RBFOX1: variants seen among roughly 807,000 people sequenced by gnomAD.
RBFOX1 encodes RNA binding protein fox-1 homolog 1.
Under a neutral mutation model 57.7 loss-of-function variants are expected in RBFOX1, and 8 were observed. The observed-to-expected ratio is 0.14, with a 90% CI of 0.08 to 0.25. The LOEUF is 0.25. Among genes scored for constraint, RBFOX1 ranks in the 10% least tolerant of loss-of-function variants. RBFOX1 has a pLI of 1.00. For missense variants in RBFOX1, 611 were observed against 548.5 expected (o/e 1.11, Z -1.14); for synonymous variants, 326 against 222.4 (o/e 1.47, Z -4.15).
At chr16:7,065,735 C>T (rs1428436082) in intron 4 of RBFOX1, among the ~76,000 whole-genome samples, 1 of 152,128 alleles carries the variant, frequency 6.6e-6, no homozygotes, top group Non-Finnish European at 1.5e-5. Flanking sequence ...CCATGTTGCA[C>T]AGTAGATCTG....
intron 2 of RBFOX1, among the ~76,000 whole-genome samples, chr16:5,505,252 T>G (rs1025064460): frequency 6.6e-6 from 1 of 152,222 alleles, no homozygotes; most frequent in Non-Finnish European, 1.5e-5. Flanking sequence ...ACCTCTGTGC[T>G]TAACGCAGGG....
chr16:7,590,326 CTA>C (rs1449917982), intron 7 of RBFOX1, among the ~76,000 whole-genome samples: 4 of 151,376 alleles, frequency 2.6e-5, no homozygotes, highest in Admixed American at 6.6e-5. Context: ...CAGGTAGTAT[CTA>C]TATTATTTTG....
At chr16:6,029,496 G>T (rs563243337) in intron 1 of RBFOX1, among the ~76,000 whole-genome samples, 4 of 152,146 alleles carry the variant, frequency 2.6e-5, no homozygotes, top group African/African-American at 9.7e-5. Context: ...AAACATGGCC[G>T]GGCGTGGTGG....
intron 3 of RBFOX1, among the ~76,000 whole-genome samples, chr16:7,012,077 G>T (rs1198896956): frequency 2.0e-5 from 3 of 152,186 alleles, no homozygotes; most frequent in Admixed American, 2.0e-4. Flanking sequence ...CTTTAGGTCA[G>T]ACGTATGGAG....
intron 3 of RBFOX1, among the ~76,000 whole-genome samples, chr16:6,991,612 C>T (rs1265854268): frequency 1.3e-5 from 2 of 152,144 alleles, no homozygotes; most frequent in Non-Finnish European, 2.9e-5. Context: ...TCTCAGCTCA[C>T]TGCAACTTCC....
chr16:7,413,960 C>G (rs914799035), intron 4 of RBFOX1, among the ~76,000 whole-genome samples: 11 of 152,160 alleles, frequency 7.2e-5, no homozygotes, highest in Admixed American at 2.0e-4. Flanking sequence ...TTTCCAAACT[C>G]CAAGGAGATG....
At chr16:6,308,770 C>G (rs1018773396) in intron 1 of RBFOX1, among the ~76,000 whole-genome samples, 1 of 152,118 alleles carries the variant, frequency 6.6e-6, no homozygotes. Context: ...ATAAGAGATG[C>G]AAATGCTGTC....
chr16:5,547,136 T>C (rs1317496276), intron 2 of RBFOX1, among the ~76,000 whole-genome samples: 1 of 152,208 alleles, frequency 6.6e-6, no homozygotes, highest in East Asian at 1.9e-4. Context: ...GCTGGAACTC[T>C]CATACATTGC....
intron 3 of RBFOX1, among the ~76,000 whole-genome samples, chr16:6,776,790 G>C (rs1411030484): frequency 1.3e-5 from 2 of 152,192 alleles, no homozygotes; most frequent in Admixed American, 1.3e-4. Flanking sequence ...AGTTAAATCT[G>C]ATACTGTAAC....
intron 1 of RBFOX1, among the ~76,000 whole-genome samples, chr16:5,240,531 G>C (rs531190745): frequency 1.3e-5 from 2 of 152,334 alleles, no homozygotes; most frequent in Admixed American, 1.3e-4. Context: ...GCTTGGCCAA[G>C]CCCTGCTCTG....
chr16:7,688,244 TGTGTGTGTGTGTGTGTGAGA>T (rs1269341256), intron 14 of RBFOX1, among the ~76,000 whole-genome samples: 22 of 145,976 alleles, frequency 1.5e-4, no homozygotes, highest in East Asian at 4.1e-4. Flanking sequence ...TGTGTGTGTG[TGTGTGTGTGTGTGTGTGAGA>T]GAGAGAGAGA....
chr16:7,538,985 C>T (rs534171556), intron 5 of RBFOX1, among the ~76,000 whole-genome samples: 9 of 151,804 alleles, frequency 5.9e-5, no homozygotes, highest in African/African-American at 2.2e-4. Context: ...TGGCTGAATT[C>T]GAAAAAGGTG....
intron 3 of RBFOX1, among the ~76,000 whole-genome samples, chr16:5,791,148 G>A (rs1036664523): frequency 6.6e-6 from 1 of 152,052 alleles, no homozygotes; most frequent in Non-Finnish European, 1.5e-5. Flanking sequence ...GATTACAGGC[G>A]TGAGCCACAG....
intron 1 of RBFOX1, among the ~76,000 whole-genome samples, chr16:6,088,032 T>C (rs977216499): frequency 6.6e-6 from 1 of 152,156 alleles, no homozygotes; most frequent in Non-Finnish European, 1.5e-5. Flanking sequence ...CAAGCATATT[T>C]TCACAATTTC....
At chr16:6,959,434 A>C (rs1476910675) in intron 3 of RBFOX1, among the ~76,000 whole-genome samples, 1 of 152,200 alleles carries the variant, frequency 6.6e-6, no homozygotes, top group East Asian at 1.9e-4. Context: ...CACAGCAGGG[A>C]TGAAGGCAGA....
chr16:5,890,697 GAAAAAAAAAA>G (rs71404558), intron 4 of RBFOX1, among the ~76,000 whole-genome samples: 1 of 61,468 alleles, frequency 1.6e-5, no homozygotes, highest in Admixed American at 2.4e-4. Flanking sequence ...AGTCTGTATT[GAAAAAAAAAA>G]AAAAAAAAAA....
At chr16:5,535,529 T>C (rs373336336) in intron 2 of RBFOX1, among the ~76,000 whole-genome samples, 6 of 152,336 alleles carry the variant, frequency 3.9e-5, no homozygotes, top group African/African-American at 1.4e-4. Flanking sequence ...CAAAATTTCC[T>C]AGTTTCCAGC....
chr16:5,399,083 C>T (rs79924351), intron 1 of RBFOX1, among the ~76,000 whole-genome samples: 1 of 152,156 alleles, frequency 6.6e-6, no homozygotes, highest in African/African-American at 2.4e-5. Context: ...GGTGAGAACA[C>T]ATGGCTTTCG....
chr16:6,989,012 C>T (rs182015399), intron 3 of RBFOX1, among the ~76,000 whole-genome samples: 151 of 152,192 alleles, frequency 9.9e-4, no homozygotes, highest in Non-Finnish European at 1.5e-3. Flanking sequence ...ATCCACCCCC[C>T]TCGGACTCCC....
Sources: allele counts gnomAD v4.1 joint callset (sites outside exome capture counted in the v4.1 genomes callset), GRCh38; gene constraint gnomAD v4.1.1; transcripts MANE v1.5; gene names NCBI Gene and HGNC (gene_info 2026-07-23, HGNC 2026-07-21).